Variants in SYT14 observed in about 807,000 individuals in gnomAD.
SYT14 encodes synaptotagmin-14.
SYT14 carries 32 observed loss-of-function variants against 74.2 expected under a neutral mutation model. The observed-to-expected ratio is 0.43, with a 90% CI of 0.33 to 0.58. SYT14 has a LOEUF of 0.58. Among genes scored for constraint, SYT14 ranks in the 20% least tolerant of loss-of-function variants. SYT14 has a pLI of 0.05. For synonymous variants in SYT14, 298 were observed against 337.7 expected (o/e 0.88, Z 1.29); for missense variants, 791 against 981.8 (o/e 0.81, Z 2.60).
chr1:210,151,944 G>A (rs2083173019), intron 7 of SYT14, among the ~76,000 whole-genome samples: 2 of 152,042 alleles, frequency 1.3e-5, no homozygotes, highest in South Asian at 2.1e-4. Context: ...ACAACTATTA[G>A]GTTCACATCT....
intron 2 of SYT14, among the ~76,000 whole-genome samples, chr1:209,957,863 T>C (rs34131280): frequency 1.8e-3 from 274 of 152,288 alleles, no homozygotes; most frequent in Middle Eastern, 3.4e-3. Context: ...CTATGGTATG[T>C]TCATGAACAA....
chr1:209,986,058 T>C (rs1372638398), intron 2 of SYT14, among the ~76,000 whole-genome samples: 1 of 152,230 alleles, frequency 6.6e-6, no homozygotes, highest in Non-Finnish European at 1.5e-5. Context: ...GTATTGGGTA[T>C]TAGTACTTGG....
intron 8 of SYT14, among the ~76,000 whole-genome samples, chr1:210,158,799 A>C (rs1178198563): frequency 6.6e-6 from 1 of 152,220 alleles, no homozygotes; most frequent in Non-Finnish European, 1.5e-5. Context: ...ATATTTATAA[A>C]GTAAAAGGTA....
At chr1:210,034,031 C>T (rs2080598796) in intron 5 of SYT14, among the ~76,000 whole-genome samples, 1 of 151,728 alleles carries the variant, frequency 6.6e-6, no homozygotes, top group South Asian at 2.1e-4. Context: ...AAGTATAGTT[C>T]TGCAAATAAC....
intron 2 of SYT14, among the ~76,000 whole-genome samples, chr1:210,012,503 T>C (rs1480922775): frequency 1.3e-5 from 2 of 152,178 alleles, no homozygotes; most frequent in Non-Finnish European, 2.9e-5. Context: ...TTGCGGATTC[T>C]GAGGCAATGA....
At chr1:210,070,252 A>G (rs2081368446) in intron 5 of SYT14, among the ~76,000 whole-genome samples, 1 of 152,070 alleles carries the variant, frequency 6.6e-6, no homozygotes, top group African/African-American at 2.4e-5. Flanking sequence ...CAAATATGAA[A>G]AGGTAAAACT....
chr1:209,981,450 C>CTT (rs1183885685), intron 2 of SYT14, among the ~76,000 whole-genome samples: 3,414 of 99,020 alleles, frequency 0.034, 306 homozygotes, highest in Non-Finnish European at 0.044. Context: ...TTTTTCTTTT[C>CTT]TTTTTTTTTT....
chr1:210,026,484 A>G (rs2080414134), intron 5 of SYT14, among the ~76,000 whole-genome samples: 2 of 152,050 alleles, frequency 1.3e-5, no homozygotes, highest in African/African-American at 4.8e-5. Flanking sequence ...TTACGTAGCT[A>G]TACTTATGTA....
intron 1 of SYT14, among the ~76,000 whole-genome samples, chr1:209,942,149 T>A (rs1401782711): frequency 6.6e-6 from 1 of 152,164 alleles, no homozygotes; most frequent in Non-Finnish European, 1.5e-5. Context: ...TTCTATGCAT[T>A]GTTTCGTGGA....
chr1:210,124,138 AGAGT>A (rs1160560105), intron 7 of SYT14, among the ~76,000 whole-genome samples: 3 of 152,148 alleles, frequency 2.0e-5, no homozygotes, highest in Admixed American at 2.0e-4. Flanking sequence ...CTACAACAGC[AGAGT>A]GAGTAGTTAT....
intron 5 of SYT14, among the ~76,000 whole-genome samples, chr1:210,093,372 A>T (rs972007768): frequency 2.0e-5 from 3 of 152,140 alleles, no homozygotes; most frequent in Non-Finnish European, 1.5e-5. Flanking sequence ...AGAAAAAAAA[A>T]GATCAGTGTT....
intron 2 of SYT14, among the ~76,000 whole-genome samples, chr1:209,996,871 A>G (rs1295927534): frequency 6.6e-6 from 1 of 152,164 alleles, no homozygotes; most frequent in Non-Finnish European, 1.5e-5. Flanking sequence ...AATCCACATG[A>G]TCATCTCAAT....
At chr1:209,973,373 C>T (rs1474755587) in intron 2 of SYT14, among the ~76,000 whole-genome samples, 10 of 152,114 alleles carry the variant, frequency 6.6e-5, no homozygotes, top group Admixed American at 2.6e-4. Flanking sequence ...CCCCTCACCC[C>T]ACAACAGACC....
At chr1:210,132,988 C>T (rs188620614) in intron 7 of SYT14, among the ~76,000 whole-genome samples, 1 of 152,204 alleles carries the variant, frequency 6.6e-6, no homozygotes, top group East Asian at 1.9e-4. Context: ...ATCTGTACAC[C>T]ATTCTCTGAA....
intron 5 of SYT14, among the ~76,000 whole-genome samples, chr1:210,039,994 C>G (rs1467239035): frequency 6.6e-6 from 1 of 152,074 alleles, no homozygotes; most frequent in Admixed American, 6.6e-5. Flanking sequence ...GGATGTAGAA[C>G]CAGAAATACC....
At chr1:210,009,834 A>G (rs2080053366) in intron 2 of SYT14, among the ~76,000 whole-genome samples, 1 of 152,050 alleles carries the variant, frequency 6.6e-6, no homozygotes, top group Non-Finnish European at 1.5e-5. Flanking sequence ...TCTAATCCAA[A>G]TGCCTTTCTT....
At chr1:209,947,152 G>GAGAT (rs1474034048) in intron 1 of SYT14, among the ~76,000 whole-genome samples, 1 of 152,162 alleles carries the variant, frequency 6.6e-6, no homozygotes, top group Non-Finnish European at 1.5e-5. Flanking sequence ...GACGTACAAG[G>GAGAT]AGATGAAGGT....
chr1:210,102,802 C>G (rs907678944), intron 7 of SYT14, among the ~76,000 whole-genome samples: 1 of 152,000 alleles, frequency 6.6e-6, no homozygotes, highest in Non-Finnish European at 1.5e-5. Flanking sequence ...CCACCTCAGC[C>G]TCTCGAATAG....
Position 209,972,932 on chromosome 1 carries a change from T to C in SYT14, c.-486+20176T>C, listed in dbSNP as rs78667793. On this transcript the variant is annotated intron_variant, in intron 2 of 9. Coordinates refer to ENST00000637265, the Ensembl canonical transcript of SYT14. Reference sequence around the variant, plus strand: ...TTTTCTGCCACGATGATGTGTCTCATGCTGTCAGTGGGGTATCGAAGTCCC... The same window carrying C: ...TTTTCTGCCACGATGATGTGTCTCACGCTGTCAGTGGGGTATCGAAGTCCC... 4.5e-4 allele frequency among the ~76,000 whole-genome samples: 68 copies of C among 152,334 alleles called. 1 individual carries two copies. The highest frequency in any genetic ancestry group is 1.6e-3 in the African/African-American group (67 of 41,584).
Sources: gnomAD v4.1 joint callset for allele counts (sites outside exome capture counted in the v4.1 genomes callset) on GRCh38, gnomAD v4.1.1 for gene constraint, MANE v1.5 for transcripts, NCBI Gene and HGNC (gene_info 2026-07-23, HGNC 2026-07-21) for gene names.